Variants in SLC22A13 observed in about 807,000 individuals in gnomAD.
SLC22A13 encodes the protein organic anion transporter 10.
A neutral mutation model predicts 49.1 loss-of-function variants in SLC22A13; 42 were observed. The observed-to-expected ratio is 0.85, with a 90% CI of 0.67 to 1.11. The LOEUF (loss-of-function observed/expected upper bound fraction) is 1.11, where lower values mean the gene tolerates loss of function less well. Ranked by LOEUF, SLC22A13 falls within the 50% of genes least tolerant of loss-of-function variation. The pLI is 0.00. For synonymous variants in SLC22A13, 282 were observed against 293.1 expected (o/e 0.96, Z 0.39); for missense variants, 694 against 712.8 (o/e 0.97, Z 0.30).
chr3:38,266,288 T>C, intron 1 of SLC22A13, 50 bp downstream of exon 1: 1 of 1,583,600 alleles, frequency 6.3e-7, no homozygotes. Flanking sequence ...GTCTGTCAGG[T>C]CTTGTGCCTG....
chr3:38,269,964 G>A (rs1260876029), intron 1 of SLC22A13, among the ~76,000 whole-genome samples: 3 of 146,474 alleles, frequency 2.0e-5, no homozygotes, highest in South Asian at 2.1e-4. Flanking sequence ...GAGAATATAC[G>A]GTGTTTGGTT....
At position 38,277,694 on chromosome 3, in the gene SLC22A13, C is replaced by T; in HGVS notation, c.*229C>T. The stretch of plus-strand genomic sequence containing the variant: ...CTTCACCTTTCTCATCTCCAGAGCC[C>T]TGCCCCCAATACTCTGTCTGGGTTA... On this transcript the variant is annotated 3_prime_UTR_variant, in exon 10 of 10. Coordinates refer to ENST00000311856, the MANE Select transcript of SLC22A13 (RefSeq NM_004256.4). 2.1e-6 allele frequency: 1 copy of T among 476,784 alleles called. No individual in the cohort carries two copies. Among genetic ancestry groups the T allele is most frequent in the Non-Finnish European group, 3.8e-6 (1 of 264,416 alleles). The allele number at this position is 476,784 out of a possible 1,614,324, so 29.5% of individuals were successfully genotyped here.
intron 1 of SLC22A13, among the ~76,000 whole-genome samples, chr3:38,273,027 T>G (rs996755596): frequency 6.6e-6 from 1 of 152,130 alleles, no homozygotes; most frequent in African/African-American, 2.4e-5. Context: ...TTCTGTGAGA[T>G]CATGCATGTA....
rs750566224 is a variant in SLC22A13 at position 38,266,007 on chromosome 3, CTG to C, written c.150_151del (p.Ala51SerfsTer15). The C allele has an allele frequency of 6.8e-6, 11 of 1,614,114 alleles. No homozygotes were observed. The highest frequency in any genetic ancestry group is 1.6e-4 in the Middle Eastern group (1 of 6,084). ...VFMVLDEPHH[C>X]AVAWVKNHTF... Reference sequence around the variant, plus strand: ...TCATGGTCCTAGATGAGCCCCACCACTGTGCAGTGGCTTGGGTGAAGAACCAC... The same window carrying C: ...TCATGGTCCTAGATGAGCCCCACCACTGCAGTGGCTTGGGTGAAGAACCAC... On this transcript the variant is annotated frameshift_variant, in exon 1 of 10. Coordinates refer to ENST00000311856, the MANE Select transcript of SLC22A13 (RefSeq NM_004256.4). LOFTEE classifies it high-confidence loss of function.
intron 1 of SLC22A13, 61 bp from the exon 2 acceptor site, chr3:38,274,211 G>A: frequency 5.7e-6 from 7 of 1,222,820 alleles, no homozygotes; most frequent in Admixed American, 1.7e-5. Flanking sequence ...AGTGGGACAG[G>A]TGGTGTAGGG....
intron 6 of SLC22A13, 80 bp from the exon 7 acceptor site, chr3:38,275,802 G>C (rs1703574179): frequency 4.0e-6 from 6 of 1,508,220 alleles, no homozygotes; most frequent in Non-Finnish European, 5.5e-6. Context: ...CCCCTGCTGT[G>C]ACTGCTGACC....
chr3:38,271,542 CAAA>C (rs397837435), intron 1 of SLC22A13, among the ~76,000 whole-genome samples: 1,291 of 48,362 alleles, frequency 0.027, 21 homozygotes, highest in African/African-American at 0.072. Flanking sequence ...GACGCTTTCT[CAAA>C]AAAAAAAAAA....
rs749847142 is a variant in SLC22A13 at position 38,277,376 on chromosome 3, C to T, written c.1567C>T (p.Pro523Ser). The change falls in exon 10 of 10, where the codon CCC (proline) becomes TCC (serine). Residue 523 changes from proline to serine, a missense_variant. Transcript: ENST00000311856. Reference protein sequence around the residue: ...DLELGPHPRSPKSVPSEKETE... With the variant: ...DLELGPHPRSSKSVPSEKETE... ...ACAGCCTTCTGCTCCCTCTAGGTCC[C>T]CCAAATCAGTGCCCTCAGAGAAGGA... is the stretch of plus-strand genomic sequence containing the variant. 1.9e-6 allele frequency: 3 copies of T among 1,613,548 alleles called. No homozygotes were observed. Among genetic ancestry groups the T allele is most frequent in the Non-Finnish European group, 2.5e-6 (3 of 1,179,564 alleles).
At chr3:38,267,275 C>T (rs928004704) in intron 1 of SLC22A13, among the ~76,000 whole-genome samples, 7 of 152,062 alleles carry the variant, frequency 4.6e-5, no homozygotes, top group Admixed American at 6.5e-5. Flanking sequence ...TGGCAGCCTG[C>T]GGATATGTCC....
Position 38,275,330 on chromosome 3 carries a change from G to A in SLC22A13, c.807-40G>A, listed in dbSNP as rs370586125. ...TGGAACAAGCTGGAAAGCTCCCTAG[G>A]ACTCCAGGCCCCAAGGTCATAGCCG... On this transcript the variant is annotated intron_variant, in intron 4 of 9. Coordinates refer to ENST00000311856, the MANE Select transcript of SLC22A13 (RefSeq NM_004256.4). 10 of 1,612,700 alleles carry A rather than the reference G, an allele frequency of 6.2e-6. No individual in the cohort carries two copies. In the African/African-American group the frequency reaches 1.1e-4, roughly 17 times the overall value.
chr3:38,270,336 C>T, intron 1 of SLC22A13: 1 of 209,458 alleles, frequency 4.8e-6, no homozygotes, highest in Non-Finnish European at 1.0e-5. Context: ...AACAGCCTTC[C>T]AGTCCGAGGC....
At chr3:38,272,248 T>G (rs1489038737) in intron 1 of SLC22A13, among the ~76,000 whole-genome samples, 1 of 152,236 alleles carries the variant, frequency 6.6e-6, no homozygotes, top group Non-Finnish European at 1.5e-5. Context: ...CACAGGGCAC[T>G]TCACCCCCTT....
At chr3:38,274,837 G>A (rs537310363) in intron 3 of SLC22A13, 79 bp downstream of exon 3, 2 of 1,554,704 alleles carry the variant, frequency 1.3e-6, no homozygotes, top group East Asian at 2.3e-5. Context: ...CAAACGGCCT[G>A]TGGAGGTCTT....
intron 1 of SLC22A13, among the ~76,000 whole-genome samples, chr3:38,273,919 C>G (rs1391489564): frequency 6.6e-6 from 1 of 152,186 alleles, no homozygotes; most frequent in African/African-American, 2.4e-5. Context: ...ATTGATTTTC[C>G]TGTGGCATTT....
rs113230194 is a variant in SLC22A13 at position 38,266,137 on chromosome 3, G to A, written c.277G>A (p.Ala93Thr). 1.4e-5 allele frequency: 23 copies of A among 1,614,030 alleles called. No individual in the cohort carries two copies. In the African/African-American group the frequency reaches 2.5e-4, roughly 18 times the overall value. The change falls in exon 1 of 10, where the codon GCC (alanine) becomes ACC (threonine). Residue 93 changes from alanine (A) to threonine (T), a missense_variant. By Grantham distance (58) the Ala-to-Thr change is moderately conservative. Coordinates refer to ENST00000311856, the MANE Select transcript of SLC22A13 (RefSeq NM_004256.4). ...CATGTTCCGGCCACCCCCCGCCAATGCCAGCCTGCAGGACATCCTCAGCCA... is the reference window on the plus strand; with the variant it reads ...CATGTTCCGGCCACCCCCCGCCAATACCAGCCTGCAGGACATCCTCAGCCA... Reference protein sequence around the residue: ...CLMFRPPPANASLQDILSHRF... With the variant: ...CLMFRPPPANTSLQDILSHRF...
rs560759937 is a variant in SLC22A13 at position 38,276,006 on chromosome 3, A to G, written c.1147A>G (p.Met383Val). The change falls in exon 7 of 10, where the codon ATG (methionine) becomes GTG (valine). Residue 383 changes from methionine (M) to valine (V), a missense_variant. Met to Val is a conservative substitution (Grantham distance 21). Transcript: ENST00000311856. ...EVPARCSSIF[M>V]MQRFGRKWSQ... Reference sequence around the variant, plus strand: ...GCCTGCCCGCTGTTCCAGCATCTTCATGATGCAGAGGTTTGGCCGCAAGTG... The same window carrying G: ...GCCTGCCCGCTGTTCCAGCATCTTCGTGATGCAGAGGTTTGGCCGCAAGTG... 132 of 1,614,150 alleles carry G rather than the reference A, an allele frequency of 8.2e-5. No homozygotes were observed. In the East Asian group the frequency reaches 2.3e-3, roughly 28 times the overall value.
chr3:38,276,344 C>T lies in SLC22A13; in HGVS notation c.1295C>T (p.Ala432Val), dbSNP rs752802885. Residue 432 changes from alanine to valine, a missense_variant, in exon 8 of 10, where the codon GCC becomes GTC. Ala to Val is a moderately conservative substitution (Grantham distance 64). Transcript: ENST00000311856. ...GTGGGGAAGATGGCCACAGCTGCTG[C>T]CTTTACCATCTCCTATGTGTACTCT... ...AVVGKMATAA[A>V]FTISYVYSAE... 3.7e-6 allele frequency: 6 copies of T among 1,613,818 alleles called. No homozygotes were observed. The South Asian group carries it at 6.6e-5, about 18-fold the overall frequency.
chr3:38,266,546 A>G (rs1428990712), intron 1 of SLC22A13, among the ~76,000 whole-genome samples: 3 of 150,780 alleles, frequency 2.0e-5, no homozygotes, highest in Non-Finnish European at 4.4e-5. Context: ...CTCTTTTCCT[A>G]TCTTTGTGCC....
Position 38,275,015 on chromosome 3 carries a change from AG to A in SLC22A13, c.666del (p.Thr223ArgfsTer57). 3.7e-6 allele frequency: 6 copies of A among 1,614,184 alleles called. No individual in the cohort carries two copies. The highest frequency in any genetic ancestry group is 5.1e-6 in the Non-Finnish European group (6 of 1,180,006). On this transcript the variant is annotated frameshift_variant, in exon 4 of 10. Transcript: ENST00000311856. LOFTEE classifies it high-confidence loss of function. ...LLTEWVGPSW[R>X]TQAVVLAQCN... is the part of the protein sequence containing the mutation. ...GACAGAATGGGTGGGGCCCTCATGG[AG>A]GACGCAGGCCGTGGTCCTGGCCCAG...
Sources: allele counts gnomAD v4.1 joint callset (sites outside exome capture counted in the v4.1 genomes callset), GRCh38; gene constraint gnomAD v4.1.1; transcripts MANE v1.5; gene names NCBI Gene and HGNC (gene_info 2026-07-23, HGNC 2026-07-21).